The following RGS6 variants were observed in gnomAD, a reference collection of about 807,000 sequenced individuals.
RGS6 encodes regulator of G-protein signaling 6.
RGS6 carries 30 observed loss-of-function variants against 78.5 expected under a neutral mutation model. That is an observed-to-expected ratio of 0.38 (90% CI 0.29 to 0.52). The LOEUF is 0.52. Ranked by LOEUF, RGS6 falls within the 20% of genes least tolerant of loss-of-function variation. The probability of loss-of-function intolerance (pLI) is 0.85; values close to 1 mark genes in which losing one functional copy is unlikely to be tolerated. For missense variants in RGS6, 495 were observed against 609.7 expected (o/e 0.81, Z 1.98); for synonymous variants, 206 against 206.0 (o/e 1.00, Z 0.00).
chr14:72,424,016 C>T (rs1295194986), intron 3 of RGS6, among the ~76,000 whole-genome samples: 5 of 152,190 alleles, frequency 3.3e-5, no homozygotes, highest in Admixed American at 1.3e-4. Context: ...CTTCCAGTCT[C>T]GTGGTGGCAT....
chr14:71,954,529 C>A (rs1047064778), intron 1 of RGS6, among the ~76,000 whole-genome samples: 9 of 152,264 alleles, frequency 5.9e-5, no homozygotes, highest in African/African-American at 1.9e-4. Flanking sequence ...ATAACCACAT[C>A]ATGGAAAATA....
At chr14:72,266,857 C>A (rs1171296045) in intron 2 of RGS6, among the ~76,000 whole-genome samples, 1 of 152,172 alleles carries the variant, frequency 6.6e-6, no homozygotes, top group Non-Finnish European at 1.5e-5. Flanking sequence ...TGGGTGAGGG[C>A]AAGTTTATCC....
At chr14:72,187,950 T>G (rs1267365967) in intron 2 of RGS6, among the ~76,000 whole-genome samples, 1 of 152,240 alleles carries the variant, frequency 6.6e-6, no homozygotes, top group Non-Finnish European at 1.5e-5. Flanking sequence ...GTGACAGCCC[T>G]TTTTGTTTCA....
intron 2 of RGS6, among the ~76,000 whole-genome samples, chr14:72,016,119 A>G (rs2086908626): frequency 6.6e-6 from 1 of 152,224 alleles, no homozygotes; most frequent in Non-Finnish European, 1.5e-5. Flanking sequence ...TTAAAAAGAA[A>G]TACTGCTCTA....
intron 2 of RGS6, among the ~76,000 whole-genome samples, chr14:72,159,424 G>A (rs1037813834): frequency 6.6e-6 from 1 of 152,250 alleles, no homozygotes; most frequent in African/African-American, 2.4e-5. Context: ...AACGCTGGAT[G>A]AGAAGGACCT....
chr14:71,938,265 T>C (rs1025011100), intron 1 of RGS6, among the ~76,000 whole-genome samples: 1 of 152,238 alleles, frequency 6.6e-6, no homozygotes, highest in Non-Finnish European at 1.5e-5. Flanking sequence ...ATCATGCTTC[T>C]TCCAAGTCCC....
the RGS6 span, among the ~76,000 whole-genome samples, chr14:72,604,186 T>G: frequency 6.6e-6 from 1 of 152,166 alleles, no homozygotes; most frequent in Non-Finnish European, 1.5e-5. Context: ...CTAGGCTCCA[T>G]GGAAGAGTTT....
At chr14:72,003,960 T>C (rs557099174) in intron 2 of RGS6, among the ~76,000 whole-genome samples, 1 of 152,274 alleles carries the variant, frequency 6.6e-6, no homozygotes, top group African/African-American at 2.4e-5. Flanking sequence ...AGCCAGCAGC[T>C]GAGGGGTGAA....
intron 2 of RGS6, among the ~76,000 whole-genome samples, chr14:72,165,545 T>G (rs2096913482): frequency 6.6e-6 from 1 of 152,230 alleles, no homozygotes. Flanking sequence ...GTTTATTTGT[T>G]GTGGTCTAGT....
intron 3 of RGS6, among the ~76,000 whole-genome samples, chr14:72,388,877 T>C (rs1197167090): frequency 6.6e-6 from 1 of 152,188 alleles, no homozygotes; most frequent in African/African-American, 2.4e-5. Context: ...GAGGATTAAA[T>C]GAGTTAGTAT....
In RGS6 at chr14:72,383,989, G is replaced by A. The variant is rs2087058625; in HGVS notation, c.184+31795G>A. 2.6e-5 allele frequency among the ~76,000 whole-genome samples: 4 copies of A among 152,110 alleles called. No individual in the cohort carries two copies. The South Asian group carries it at 8.3e-4, about 31-fold the overall frequency. Reference sequence around the variant, plus strand: ...TTGCATTGTAATAATATATCTGTAAGCTTCAAATCAGCATATTATATTCTA... The same window carrying A: ...TTGCATTGTAATAATATATCTGTAAACTTCAAATCAGCATATTATATTCTA... On this transcript the variant is annotated intron_variant, in intron 3 of 17. Transcript: ENST00000553525.
intron 3 of RGS6, among the ~76,000 whole-genome samples, chr14:72,368,939 C>T (rs906461751): frequency 1.3e-5 from 2 of 152,116 alleles, no homozygotes; most frequent in African/African-American, 4.8e-5. Context: ...TATTCTAGAT[C>T]AGGGTGTCTA....
At chr14:72,384,228 C>A (rs1442427294) in intron 3 of RGS6, among the ~76,000 whole-genome samples, 2 of 152,128 alleles carry the variant, frequency 1.3e-5, no homozygotes, top group Non-Finnish European at 2.9e-5. Flanking sequence ...TAAGTTATTT[C>A]AATGTTGTCA....
chr14:72,361,565 A>AG (rs1402892551), intron 3 of RGS6, among the ~76,000 whole-genome samples: 1 of 151,914 alleles, frequency 6.6e-6, no homozygotes, highest in East Asian at 1.9e-4. Context: ...ATAATATAAG[A>AG]TATAACCATA....
rs142533224 is a variant in RGS6, at chr14:72,257,970, C to A, written c.85-94125C>A. 4.9e-3 allele frequency among the ~76,000 whole-genome samples: 742 copies of A among 152,344 alleles called. 2 individuals are homozygous for A. The highest frequency in any genetic ancestry group is 0.02 in the Middle Eastern group (6 of 294). On this transcript the variant is annotated intron_variant, in intron 2 of 17. Coordinates refer to ENST00000553525, the MANE Select transcript of RGS6 (RefSeq NM_001204424.2). ...CAATACTGAATTCAAACAGCTAATTCCTTAAGACCTGGGAACATTGTGTGT... is the reference window on the plus strand; with the variant it reads ...CAATACTGAATTCAAACAGCTAATTACTTAAGACCTGGGAACATTGTGTGT...
intron 14 of RGS6, among the ~76,000 whole-genome samples, chr14:72,514,514 T>C (rs945322089): frequency 6.6e-6 from 1 of 152,228 alleles, no homozygotes; most frequent in African/African-American, 2.4e-5. Context: ...CCTCCAGCCC[T>C]GTTCTCCACT....
chr14:72,149,527 AG>A (rs369865192), intron 2 of RGS6, among the ~76,000 whole-genome samples: 4 of 152,168 alleles, frequency 2.6e-5, no homozygotes, highest in Non-Finnish European at 4.4e-5. Flanking sequence ...GCATGTATGA[AG>A]GGTTATGAAC....
chr14:72,348,467 C>T (rs1413992464), intron 2 of RGS6, among the ~76,000 whole-genome samples: 2 of 152,274 alleles, frequency 1.3e-5, no homozygotes, highest in African/African-American at 4.8e-5. Context: ...TTGATCAGTT[C>T]CTGAGAGCCC....
intron 17 of RGS6, chr14:72,553,383 C>G (rs2097531714): frequency 6.6e-6 from 1 of 152,656 alleles, no homozygotes; most frequent in South Asian, 2.1e-4. Context: ...TTCGCACACT[C>G]TCTAATCTGT....
Sources: gnomAD v4.1 joint callset for allele counts (sites outside exome capture counted in the v4.1 genomes callset) on GRCh38, gnomAD v4.1.1 for gene constraint, MANE v1.5 for transcripts, NCBI Gene and HGNC (gene_info 2026-07-23, HGNC 2026-07-21) for gene names.